CFAP20DC: variants seen among roughly 807,000 people sequenced by gnomAD.
The protein encoded by CFAP20DC is protein CFAP20DC.
Under a neutral mutation model 101.7 loss-of-function variants are expected in CFAP20DC, and 84 were observed. The observed-to-expected ratio is 0.83, with a 90% CI of 0.69 to 0.99. CFAP20DC has a LOEUF of 0.99. Ranked by LOEUF, CFAP20DC falls within the 50% of genes least tolerant of loss-of-function variation. CFAP20DC has a pLI of 0.00. For synonymous variants in CFAP20DC, 359 were observed against 351.2 expected (o/e 1.02, Z -0.25); for missense variants, 1,007 against 970.3 (o/e 1.04, Z -0.50).
chr3:58,988,654 T>C (rs972212086), intron 4 of CFAP20DC, among the ~76,000 whole-genome samples: 6 of 152,210 alleles, frequency 3.9e-5, no homozygotes, highest in Admixed American at 6.5e-5. Context: ...CAGTTTATGA[T>C]ACTTCGTTAA....
chr3:59,013,483 T>C (rs2093629418), intron 4 of CFAP20DC, among the ~76,000 whole-genome samples: 1 of 152,130 alleles, frequency 6.6e-6, no homozygotes, highest in African/African-American at 2.4e-5. Context: ...TAAACACAGA[T>C]AGCAATTATG....
Position 58,848,133 on chromosome 3 carries a change from A to G in CFAP20DC, c.1971+899T>C, listed in dbSNP as rs189813602. 2.2e-3 allele frequency among the ~76,000 whole-genome samples: 291 copies of G among 134,190 alleles called. 1 individual carries two copies. The highest frequency in any genetic ancestry group is 8.1e-3 in the African/African-American group (276 of 34,018). The allele number at this position is 134,190 out of a possible 152,430, so 88.0% of individuals were successfully genotyped here. A position where few individuals can be genotyped will look rare whatever the true frequency, so the allele number is the denominator to read the frequency against. On this transcript the variant is annotated intron_variant, in intron 13 of 16. Transcript: ENST00000482387. ...GTATACATATGTAACTAACCTGCAC[A>G]ATGTGCACATGTACCCTAAAACTTA...
intron 3 of CFAP20DC, chr3:58,726,006 A>G (rs1352211448): frequency 6.6e-6 from 1 of 152,502 alleles, no homozygotes; most frequent in Admixed American, 6.5e-5. Flanking sequence ...CTTGGCCAAA[A>G]CAAATGGATT....
At chr3:58,884,498 G>T in intron 7 of CFAP20DC, 47 bp downstream of exon 7, 1 of 1,556,878 alleles carries the variant, frequency 6.4e-7, no homozygotes, top group Non-Finnish European at 8.8e-7. Context: ...CTTTATGGGA[G>T]AGATGCAGAC....
intron 13 of CFAP20DC, among the ~76,000 whole-genome samples, chr3:58,835,021 C>G (rs1367317362): frequency 6.6e-6 from 1 of 152,156 alleles, no homozygotes; most frequent in South Asian, 2.1e-4. Flanking sequence ...GCACAGCCCT[C>G]TTAAGAGACT....
At chr3:58,916,608 T>G (rs2084749843) in intron 5 of CFAP20DC, among the ~76,000 whole-genome samples, 1 of 152,156 alleles carries the variant, frequency 6.6e-6, no homozygotes, top group Admixed American at 6.6e-5. Flanking sequence ...AATCTTTCAT[T>G]TAATAATCAT....
chr3:59,048,003 A>C (rs1174313146), intron 1 of CFAP20DC, among the ~76,000 whole-genome samples: 1 of 152,194 alleles, frequency 6.6e-6, no homozygotes, highest in Non-Finnish European at 1.5e-5. Context: ...AATCTGTATA[A>C]GAGAAATAAA....
intron 6 of CFAP20DC, among the ~76,000 whole-genome samples, chr3:58,905,287 T>C (rs2083486163): frequency 6.6e-6 from 1 of 152,202 alleles, no homozygotes. Flanking sequence ...GATATTATCA[T>C]TGCTTGTTCT....
At chr3:58,895,018 C>G (rs2082555547) in intron 6 of CFAP20DC, among the ~76,000 whole-genome samples, 1 of 152,228 alleles carries the variant, frequency 6.6e-6, no homozygotes, top group African/African-American at 2.4e-5. Context: ...CACCAAGTCC[C>G]CAGGCTGCAC....
chr3:59,030,164 T>A lies in CFAP20DC; in HGVS notation c.278+9393A>T, dbSNP rs149185407. 7.0e-4 allele frequency among the ~76,000 whole-genome samples: 107 copies of A among 152,376 alleles called. 2 individuals carry two copies. In the East Asian group the frequency reaches 0.019, roughly 27 times the overall value. ...TTAGAAGCCAGATACCTTTCTGTTA[T>A]GTGACTTTCCAAGCTTGTTAGAGAA... is the stretch of plus-strand genomic sequence containing the variant. On this transcript the variant is annotated intron_variant, in intron 4 of 16. Transcript: ENST00000482387.
At chr3:58,984,561 A>C (rs1576595621) in intron 4 of CFAP20DC, among the ~76,000 whole-genome samples, 1 of 152,326 alleles carries the variant, frequency 6.6e-6, no homozygotes, top group East Asian at 1.9e-4. Context: ...ATTAGCTTAC[A>C]GTTGAGAAGT....
At position 58,993,786 on chromosome 3, in the gene CFAP20DC, T is replaced by C. The variant is rs1174687395; in HGVS notation, c.278+45771A>G. Among the ~76,000 whole-genome samples, 9 of 152,246 alleles carry C rather than the reference T, an allele frequency of 5.9e-5. No homozygotes were observed. The East Asian group carries it at 1.5e-3, about 26-fold the overall frequency. On this transcript the variant is annotated intron_variant, in intron 4 of 16. Coordinates refer to ENST00000482387, the MANE Select transcript of CFAP20DC (RefSeq NM_001394063.1). ...CTTGTTCCTTTTTATGGCTGCATAG[T>C]ATTCCATGGTGTATATGTACCATTC... is the stretch of plus-strand genomic sequence containing the variant.
intron 15 of CFAP20DC, among the ~76,000 whole-genome samples, chr3:58,790,163 T>A (rs974349756): frequency 6.6e-6 from 1 of 152,196 alleles, no homozygotes; most frequent in African/African-American, 2.4e-5. Flanking sequence ...AAAGCGTCCC[T>A]TCCTCCTTCT....
At chr3:58,807,103 G>C (rs957356264) in intron 14 of CFAP20DC, among the ~76,000 whole-genome samples, 8 of 152,164 alleles carry the variant, frequency 5.3e-5, no homozygotes, top group Non-Finnish European at 1.2e-4. Flanking sequence ...AACTCAAGGA[G>C]GCCTGCCTGC....
chr3:58,909,506 T>C (rs140184733), intron 6 of CFAP20DC, among the ~76,000 whole-genome samples: 48 of 152,256 alleles, frequency 3.2e-4, no homozygotes, highest in Non-Finnish European at 5.6e-4. Context: ...CCACAATCAA[T>C]TTTATTCTTC....
intron 15 of CFAP20DC, among the ~76,000 whole-genome samples, chr3:58,800,874 C>A (rs1302096746): frequency 6.6e-6 from 1 of 152,106 alleles, no homozygotes; most frequent in Non-Finnish European, 1.5e-5. Context: ...GAAAAAAAAT[C>A]TGAAGTTTAA....
intron 15 of CFAP20DC, among the ~76,000 whole-genome samples, chr3:58,759,749 A>G (rs555811641): frequency 2.0e-5 from 3 of 152,360 alleles, no homozygotes; most frequent in African/African-American, 4.8e-5. Context: ...AGCTTTCTAC[A>G]TATGGCTAGC....
At chr3:58,739,457 G>C (rs2067832548), downstream of CFAP20DC, among the ~76,000 whole-genome samples, 1 of 152,048 alleles carries the variant, frequency 6.6e-6, no homozygotes, top group African/African-American at 2.4e-5. Context: ...AAAAATGTTT[G>C]GTACACACTT....
At chr3:58,855,660 A>C (rs1469468258) in intron 12 of CFAP20DC, among the ~76,000 whole-genome samples, 1 of 152,156 alleles carries the variant, frequency 6.6e-6, no homozygotes, top group Non-Finnish European at 1.5e-5. Flanking sequence ...CAGCCATAAA[A>C]AATGATGAGT....
Sources: gnomAD v4.1 joint callset for allele counts (sites outside exome capture counted in the v4.1 genomes callset) on GRCh38, gnomAD v4.1.1 for gene constraint, MANE v1.5 for transcripts, NCBI Gene and HGNC (gene_info 2026-07-23, HGNC 2026-07-21) for gene names.